Variants in TENM1 observed in about 807,000 individuals in gnomAD.
TENM1 encodes teneurin transmembrane protein 1, also known as teneurin-1.
TENM1 carries 35 observed loss-of-function variants against 174.8 expected under a neutral mutation model. That is an observed-to-expected ratio of 0.20 (90% confidence interval 0.15 to 0.27). The LOEUF (loss-of-function observed/expected upper bound fraction) is 0.27, where lower values mean the gene tolerates loss of function less well. Ranked by LOEUF, TENM1 falls within the 10% of genes least tolerant of loss-of-function variation. TENM1 has a pLI of 1.00. For missense variants in TENM1, 1,633 were observed against 2,130.1 expected (o/e 0.77, Z 4.59); for synonymous variants, 781 against 798.7 (o/e 0.98, Z 0.37).
At chrX:124,832,925 T>C (rs1170002223) in intron 3 of TENM1, among the ~76,000 whole-genome samples, 1 of 112,061 alleles carries the variant, frequency 8.9e-6, no homozygotes, top group Non-Finnish European at 1.9e-5. Context: ...CAATAAACCT[T>C]AGATGTTATT....
At chrX:124,993,511 T>C in the TENM1 span, among the ~76,000 whole-genome samples, 2 of 110,413 alleles carry the variant, frequency 1.8e-5, no homozygotes, top group South Asian at 7.7e-4. Context: ...CTATATGTAC[T>C]GAGCTTTAGA....
intron 1 of TENM1, among the ~76,000 whole-genome samples, chrX:124,949,078 A>G (rs1033290521): frequency 1.8e-5 from 2 of 111,408 alleles, no homozygotes; most frequent in Non-Finnish European, 3.8e-5. Flanking sequence ...CCTTATTCCT[A>G]TGTATAAAGT....
At chrX:124,438,252 CACA>C (rs972716756) in intron 23 of TENM1, among the ~76,000 whole-genome samples, 3 of 111,567 alleles carry the variant, frequency 2.7e-5, no homozygotes, top group Admixed American at 9.5e-5. Context: ...GACTAGTATT[CACA>C]ACATCAACCC....
At chrX:125,032,922 T>C in the TENM1 span, among the ~76,000 whole-genome samples, 1 of 111,830 alleles carries the variant, frequency 8.9e-6, no homozygotes, top group African/African-American at 3.3e-5. Context: ...TCAGAAAATA[T>C]TGATGGAGGG....
intron 3 of TENM1, among the ~76,000 whole-genome samples, chrX:124,835,867 T>A (rs927259699): frequency 8.9e-6 from 1 of 112,104 alleles, no homozygotes; most frequent in Non-Finnish European, 1.9e-5. Flanking sequence ...AAAAGTAGCT[T>A]CAAGGACATA....
At chrX:124,953,409 T>C (rs1457779795) in intron 1 of TENM1, among the ~76,000 whole-genome samples, 1 of 111,944 alleles carries the variant, frequency 8.9e-6, no homozygotes, top group African/African-American at 3.2e-5. Context: ...TTTCACTAAC[T>C]TTCCTTTTAC....
At chrX:125,146,569 T>C in the TENM1 span, among the ~76,000 whole-genome samples, 1 of 111,776 alleles carries the variant, frequency 8.9e-6, no homozygotes, top group Admixed American at 9.5e-5. Context: ...GTTCAATTCA[T>C]GAAGATGTTT....
the TENM1 span, among the ~76,000 whole-genome samples, chrX:125,027,060 C>T: frequency 9.0e-6 from 1 of 111,362 alleles, no homozygotes; most frequent in Non-Finnish European, 1.9e-5. Flanking sequence ...TAATGAAGGT[C>T]CAAGACAATG....
the TENM1 span, among the ~76,000 whole-genome samples, chrX:125,158,699 G>A: frequency 2.8e-4 from 31 of 111,401 alleles, 1 homozygote; most frequent in Middle Eastern, 4.6e-3. Context: ...TTCCACTCCC[G>A]GAGATGCTGA....
chrX:125,061,124 A>G, the TENM1 span, among the ~76,000 whole-genome samples: 1 of 111,101 alleles, frequency 9.0e-6, no homozygotes, highest in Non-Finnish European at 1.9e-5. Flanking sequence ...TTAATGTGTT[A>G]TATCAATTAA....
At chrX:124,437,522 T>G (rs958402130) in intron 23 of TENM1, among the ~76,000 whole-genome samples, 1 of 111,436 alleles carries the variant, frequency 9.0e-6, no homozygotes, top group Non-Finnish European at 1.9e-5. Context: ...AAACTTCTCA[T>G]TCTTGCAATT....
At chrX:125,076,733 A>G in the TENM1 span, among the ~76,000 whole-genome samples, 5 of 111,657 alleles carry the variant, frequency 4.5e-5, no homozygotes, top group African/African-American at 1.6e-4. Flanking sequence ...TCAATATTCA[A>G]TCTTTTTTAC....
chrX:124,465,422 C>T (rs1231226573), intron 22 of TENM1, among the ~76,000 whole-genome samples: 3 of 110,500 alleles, frequency 2.7e-5, no homozygotes, highest in Non-Finnish European at 5.7e-5. Flanking sequence ...CAAATTAAAA[C>T]AATTTTTTTG....
the TENM1 span, among the ~76,000 whole-genome samples, chrX:125,003,643 T>G: frequency 2.7e-5 from 3 of 111,213 alleles, no homozygotes; most frequent in African/African-American, 9.8e-5. Context: ...TTTACCAAAT[T>G]TGAAAGGGGC....
chrX:124,380,718 G>C, exon 32 of TENM1: 1 of 1,211,416 alleles, frequency 8.3e-7, no homozygotes, highest in Non-Finnish European at 1.1e-6. Flanking sequence ...CCCTCTTGCA[G>C]CCTTCTTTGT....
At chrX:124,783,152 T>G (rs752544348) in intron 3 of TENM1, among the ~76,000 whole-genome samples, 51 of 112,106 alleles carry the variant, frequency 4.5e-4, no homozygotes, top group Non-Finnish European at 8.5e-4. Flanking sequence ...TGTGTGAAAG[T>G]TGTACTAGTA....
chrX:124,644,078 T>G (rs2148377548), intron 10 of TENM1, among the ~76,000 whole-genome samples: 1 of 99,866 alleles, frequency 1.0e-5, no homozygotes, highest in African/African-American at 3.6e-5. Context: ...TGTGTATATA[T>G]AATATAAATG....
intron 11 of TENM1, among the ~76,000 whole-genome samples, chrX:124,603,878 C>T (rs1417415920): frequency 9.0e-6 from 1 of 110,937 alleles, no homozygotes; most frequent in African/African-American, 3.3e-5. Flanking sequence ...CTTACCCTAG[C>T]CAGAATTAAG....
In TENM1 at chrX:124,613,336, G is replaced by A. The variant is rs1333523783; in HGVS notation, c.2077+28455C>T. 1.0e-3 allele frequency among the ~76,000 whole-genome samples: 111 copies of A among 111,314 alleles called. 1 individual carries two copies. The highest frequency in any genetic ancestry group is 7.5e-5 in the Non-Finnish European group (4 of 53,052). ...AGTGAGGTTGTGAAAATCCAGGAAA[G>A]GGACAACTGCTGATCGCATTGTGTT... On this transcript the variant is annotated intron_variant, in intron 11 of 31. Coordinates refer to ENST00000422452, the Ensembl canonical transcript of TENM1.
Sources: gnomAD v4.1 joint callset for allele counts (sites outside exome capture counted in the v4.1 genomes callset) on GRCh38, gnomAD v4.1.1 for gene constraint, MANE v1.5 for transcripts, NCBI Gene and HGNC (gene_info 2026-07-23, HGNC 2026-07-21) for gene names.